The following LRRTM4 variants were observed in gnomAD, a reference collection of about 807,000 sequenced individuals.
LRRTM4 encodes the protein leucine rich repeat transmembrane neuronal 4, also known as leucine-rich repeat transmembrane neuronal protein 4.
A neutral mutation model predicts 47.6 loss-of-function variants in LRRTM4; 25 were observed. That is an observed-to-expected ratio of 0.53 (90% CI 0.38 to 0.73). LRRTM4 has a LOEUF of 0.73. Among genes scored for constraint, LRRTM4 ranks in the 30% least tolerant of loss-of-function variants. The pLI, the probability that LRRTM4 is intolerant of heterozygous loss-of-function variation, is 0.00. For synonymous variants in LRRTM4, 311 were observed against 269.5 expected (o/e 1.15, Z -1.51); for missense variants, 638 against 713.4 (o/e 0.89, Z 1.20).
At position 77,350,319 on chromosome 2, in the gene LRRTM4, C is replaced by T. The variant is rs547905518; in HGVS notation, c.1551+167999G>A. ...CCGCAGTCCGGCCTGGGCGACAGAG[C>T]AAGACTCCGTCTCAAAAAAAAAAAA... On this transcript the variant is annotated intron_variant, in intron 3 of 3. Coordinates refer to ENST00000409884, the MANE Select transcript of LRRTM4 (RefSeq NM_001134745.3). Among the ~76,000 whole-genome samples the T allele has an allele frequency of 1.6e-4, 14 of 87,244 alleles. No individual in the cohort carries two copies. In the East Asian group the frequency reaches 3.9e-3, roughly 24 times the overall value. The allele number at this position is 87,244 out of a possible 152,430, so 57.2% of individuals were successfully genotyped here. A position where few individuals can be genotyped will look rare whatever the true frequency, so the allele number is the denominator to read the frequency against.
intron 3 of LRRTM4, among the ~76,000 whole-genome samples, chr2:76,967,608 A>G (rs963568918): frequency 1.3e-5 from 2 of 151,586 alleles, no homozygotes; most frequent in African/African-American, 4.8e-5. Flanking sequence ...CACCACATAC[A>G]ATAAATTTGT....
At chr2:77,502,982 A>G (rs1678631430) in intron 3 of LRRTM4, among the ~76,000 whole-genome samples, 1 of 151,454 alleles carries the variant, frequency 6.6e-6, no homozygotes, top group Non-Finnish European at 1.5e-5. Flanking sequence ...CCATGAATGG[A>G]GATTGTAGAG....
chr2:76,777,267 TTAAAG>T (rs1310875822), intron 3 of LRRTM4, among the ~76,000 whole-genome samples: 4 of 147,538 alleles, frequency 2.7e-5, no homozygotes, highest in Non-Finnish European at 3.0e-5. Context: ...CATATGAACT[TTAAAG>T]TAGTTTTTTC....
chr2:77,354,207 G>A (rs1671888084), intron 3 of LRRTM4, among the ~76,000 whole-genome samples: 1 of 152,094 alleles, frequency 6.6e-6, no homozygotes, highest in Non-Finnish European at 1.5e-5. Flanking sequence ...CCTCTTTCCT[G>A]TTTCAGCTAG....
intron 3 of LRRTM4, among the ~76,000 whole-genome samples, chr2:77,350,716 GACAA>G (rs1319964767): frequency 6.6e-5 from 10 of 151,896 alleles, no homozygotes; most frequent in Non-Finnish European, 5.9e-5. Context: ...ACTAAAACAG[GACAA>G]ACAATCTAAA....
At chr2:77,476,269 C>T (rs1475049733) in intron 3 of LRRTM4, among the ~76,000 whole-genome samples, 2 of 152,022 alleles carry the variant, frequency 1.3e-5, no homozygotes, top group African/African-American at 4.8e-5. Flanking sequence ...TCCAATCATG[C>T]TTGTGTAAAC....
chr2:77,519,557 T>G lies in LRRTM4; in HGVS notation c.312A>C (p.Ala104=). 6.2e-7 allele frequency: 1 copy of G among 1,613,480 alleles called. No homozygotes were observed. Among genetic ancestry groups the G allele is most frequent in the African/African-American group, 1.3e-5 (1 of 74,992 alleles). The change falls in exon 3 of 4, where the codon GCA becomes GCC. Residue 104 remains alanine (A), a synonymous_variant. Coordinates refer to ENST00000409884, the MANE Select transcript of LRRTM4 (RefSeq NM_001134745.3). This position sits in a 1 kb window ranked among gnomAD's most constrained non-coding sequence, Gnocchi z 4.6. ...CTTTCAGTCTACGGATCCCTTGAAA[T>G]GCATCTTCATCCACTGAGCTAATGT... ...HNYISSVDED[A]FQGIRRLKEL...
At chr2:77,484,796 T>C (rs1677847584) in intron 3 of LRRTM4, among the ~76,000 whole-genome samples, 1 of 152,164 alleles carries the variant, frequency 6.6e-6, no homozygotes, top group African/African-American at 2.4e-5. Flanking sequence ...TAAATTCACA[T>C]TTCCTTTATT....
intron 3 of LRRTM4, among the ~76,000 whole-genome samples, chr2:76,749,435 A>T (rs1325857895): frequency 3.3e-5 from 5 of 152,120 alleles, no homozygotes; most frequent in Non-Finnish European, 5.9e-5. Context: ...ACCTATACAC[A>T]ATTGAAATCT....
In LRRTM4 at chr2:76,846,820, T is replaced by A. The variant is rs187290673; in HGVS notation, c.1552-97904A>T. On this transcript the variant is annotated intron_variant, in intron 3 of 3. Transcript: ENST00000409884. The stretch of plus-strand genomic sequence containing the variant: ...GGCAAGGGTGGGTTTCCTAGAAATT[T>A]TCATGGATATAGCCCATTATCTGGT... Among the ~76,000 whole-genome samples, 505 of 152,304 alleles carry A rather than the reference T, an allele frequency of 3.3e-3. 1 individual carries two copies. The highest frequency in any genetic ancestry group is 6.0e-3 in the Non-Finnish European group (410 of 68,016).
chr2:77,034,558 C>G (rs1466884378), intron 3 of LRRTM4, among the ~76,000 whole-genome samples: 1 of 151,904 alleles, frequency 6.6e-6, no homozygotes, highest in African/African-American at 2.4e-5. Context: ...CTGGGGAAAT[C>G]TGGATTTCTC....
intron 3 of LRRTM4, among the ~76,000 whole-genome samples, chr2:76,815,306 CG>C (rs1670867909): frequency 6.6e-6 from 1 of 151,972 alleles, no homozygotes; most frequent in Non-Finnish European, 1.5e-5. Context: ...CTTTGGTTAA[CG>C]GGTGACTGTG....
intron 3 of LRRTM4, among the ~76,000 whole-genome samples, chr2:77,109,781 G>T (rs1005100992): frequency 2.0e-5 from 3 of 151,450 alleles, no homozygotes; most frequent in Non-Finnish European, 4.4e-5. Context: ...TAGGAAGAAG[G>T]CTCAAAACAT....
At chr2:76,910,896 A>G (rs1674030619) in intron 3 of LRRTM4, among the ~76,000 whole-genome samples, 2 of 152,210 alleles carry the variant, frequency 1.3e-5, no homozygotes, top group South Asian at 4.1e-4. Context: ...TGTACTAAAT[A>G]GCAGTAGAAA....
Position 76,832,317 on chromosome 2 carries a change from G to A in LRRTM4, c.1552-83401C>T, listed in dbSNP as rs143266125. On this transcript the variant is annotated intron_variant, in intron 3 of 3. Transcript: ENST00000409884. ...AGCAGGTGCCTTTCACATGTATTCA[G>A]ATTGATTAAAAGATCACACACACAT... Among the ~76,000 whole-genome samples, 59 of 152,078 alleles carry A rather than the reference G, an allele frequency of 3.9e-4. 1 individual carries two copies. In the East Asian group the frequency reaches 0.011, roughly 28 times the overall value.
At chr2:77,170,840 TTATA>T (rs150252583) in intron 3 of LRRTM4, among the ~76,000 whole-genome samples, 2 of 149,174 alleles carry the variant, frequency 1.3e-5, no homozygotes, top group Non-Finnish European at 3.0e-5. Context: ...GTATAAAACC[TTATA>T]TATATATATA....
At chr2:77,178,669 G>A (rs1673267455) in intron 3 of LRRTM4, among the ~76,000 whole-genome samples, 1 of 151,838 alleles carries the variant, frequency 6.6e-6, no homozygotes, top group Non-Finnish European at 1.5e-5. Context: ...CTTTTAATGT[G>A]TGTAAAAACT....
chr2:76,830,923 G>A (rs1373968492), intron 3 of LRRTM4, among the ~76,000 whole-genome samples: 2 of 151,910 alleles, frequency 1.3e-5, no homozygotes, highest in African/African-American at 4.8e-5. Flanking sequence ...TATAAACAAT[G>A]CCATGCTTCA....
intron 3 of LRRTM4, among the ~76,000 whole-genome samples, chr2:77,422,065 T>C (rs534045109): frequency 5.8e-4 from 88 of 152,330 alleles, no homozygotes; most frequent in Middle Eastern, 3.4e-3. Flanking sequence ...GTAGAGCTTA[T>C]GCCTGTGGTA....
Sources: gnomAD v4.1 joint callset for allele counts (sites outside exome capture counted in the v4.1 genomes callset) on GRCh38, gnomAD v4.1.1 for gene constraint, Gnocchi (gnomAD v3.1) non-coding constraint, MANE v1.5 for transcripts, NCBI Gene and HGNC (gene_info 2026-07-23, HGNC 2026-07-21) for gene names.